The following ZNF804A variants were observed in gnomAD, a reference collection of about 807,000 sequenced individuals.
ZNF804A encodes the protein zinc finger protein 804A.
Under a neutral mutation model 16.5 loss-of-function variants are expected in ZNF804A, and 2 were observed. The observed-to-expected ratio is 0.12, with a 90% confidence interval of 0.05 to 0.38. ZNF804A has a LOEUF of 0.38. Among genes scored for constraint, ZNF804A ranks in the 10% least tolerant of loss-of-function variants. The pLI is 0.99. For missense variants in ZNF804A, 1,473 were observed against 1,390.7 expected (o/e 1.06, Z -0.94); for synonymous variants, 534 against 489.6 (o/e 1.09, Z -1.20).
intron 2 of ZNF804A, among the ~76,000 whole-genome samples, chr2:184,899,514 A>G (rs1685143142): frequency 6.6e-6 from 1 of 152,038 alleles, no homozygotes; most frequent in Non-Finnish European, 1.5e-5. Context: ...AGGGGATTTA[A>G]AAAGAAAAAT....
chr2:184,749,112 A>G (rs1335205118), intron 1 of ZNF804A, among the ~76,000 whole-genome samples: 2 of 151,198 alleles, frequency 1.3e-5, no homozygotes, highest in Non-Finnish European at 3.0e-5. Context: ...GTTTTTTTCT[A>G]ATTTTGTGAG....
At chr2:184,747,480 T>G (rs911125813) in intron 1 of ZNF804A, among the ~76,000 whole-genome samples, 4 of 151,100 alleles carry the variant, frequency 2.6e-5, no homozygotes, top group Non-Finnish European at 5.9e-5. Flanking sequence ...TTAGAGTATG[T>G]TTTACATACA....
chr2:184,842,264 A>C (rs1695449073), intron 1 of ZNF804A, among the ~76,000 whole-genome samples: 1 of 152,132 alleles, frequency 6.6e-6, no homozygotes, highest in Non-Finnish European at 1.5e-5. Context: ...AATTAACCAC[A>C]GGGGCAGAGC....
chr2:184,868,703 T>C (rs994118371), intron 2 of ZNF804A, among the ~76,000 whole-genome samples: 2 of 151,864 alleles, frequency 1.3e-5, no homozygotes, highest in African/African-American at 4.8e-5. Context: ...TGATTCCTAA[T>C]GACCTTCAGA....
intron 1 of ZNF804A, among the ~76,000 whole-genome samples, chr2:184,659,710 A>T (rs1479274901): frequency 6.6e-6 from 1 of 152,168 alleles, no homozygotes; most frequent in African/African-American, 2.4e-5. Context: ...GTACATCATC[A>T]TATGAATGAA....
intron 2 of ZNF804A, among the ~76,000 whole-genome samples, chr2:184,873,333 C>G (rs1696003429): frequency 6.6e-6 from 1 of 151,998 alleles, no homozygotes. Context: ...ATAGAAAATA[C>G]AAAAATTAGC....
intron 1 of ZNF804A, among the ~76,000 whole-genome samples, chr2:184,792,280 A>G (rs1440013609): frequency 6.6e-6 from 1 of 152,152 alleles, no homozygotes; most frequent in Non-Finnish European, 1.5e-5. Context: ...TTTCATTTCT[A>G]TCAGCAATGA....
Position 184,640,252 on chromosome 2 carries a change from GAGA to G in ZNF804A, c.111+41193_111+41195del, listed in dbSNP as rs760152600. Among the ~76,000 whole-genome samples the G allele has an allele frequency of 2.2e-4, 33 of 151,372 alleles. 1 individual carries two copies. Among genetic ancestry groups the G allele is most frequent in the Middle Eastern group, 3.4e-3 (1 of 292 alleles). Reference sequence around the variant, plus strand: ...GGAGGAGGAGGAGGAAGAGGAGGAGGAGAAGAAGAAGAAAGGAGGAGGAGGAGG... The same window carrying G: ...GGAGGAGGAGGAGGAAGAGGAGGAGGAGAAGAAGAAAGGAGGAGGAGGAGG... On this transcript the variant is annotated intron_variant, in intron 1 of 3. Transcript: ENST00000302277.
intron 1 of ZNF804A, among the ~76,000 whole-genome samples, chr2:184,683,889 G>A (rs185577720): frequency 6.6e-6 from 1 of 151,798 alleles, no homozygotes; most frequent in African/African-American, 2.4e-5. Context: ...TATCTAATTG[G>A]GGCCTCATTA....
chr2:184,688,889 A>G (rs901500556), intron 1 of ZNF804A, among the ~76,000 whole-genome samples: 1 of 152,206 alleles, frequency 6.6e-6, no homozygotes, highest in South Asian at 2.1e-4. Context: ...ACTGCAGTGT[A>G]TATCTCATAC....
chr2:184,853,376 AG>A (rs1298997306), intron 1 of ZNF804A, among the ~76,000 whole-genome samples: 1 of 151,896 alleles, frequency 6.6e-6, no homozygotes, highest in East Asian at 1.9e-4. Context: ...TTTGAAAACA[AG>A]GAACTTTGAC....
intron 1 of ZNF804A, among the ~76,000 whole-genome samples, chr2:184,776,387 TAA>T (rs1266793063): frequency 6.6e-6 from 1 of 151,498 alleles, no homozygotes; most frequent in Admixed American, 6.6e-5. Flanking sequence ...AAATCTACTA[TAA>T]ATTTTGTTTT....
intron 1 of ZNF804A, among the ~76,000 whole-genome samples, chr2:184,765,699 C>G (rs1379516991): frequency 6.6e-6 from 1 of 151,504 alleles, no homozygotes; most frequent in Non-Finnish European, 1.5e-5. Flanking sequence ...CTGATGCCCC[C>G]TGCAGAATAA....
intron 1 of ZNF804A, among the ~76,000 whole-genome samples, chr2:184,829,011 GT>G (rs1460338572): frequency 1.3e-5 from 2 of 151,674 alleles, no homozygotes; most frequent in African/African-American, 4.8e-5. Context: ...TTGTTAGTAT[GT>G]TTTTTATAAG....
chr2:184,602,649 T>C (rs73041383), intron 1 of ZNF804A, among the ~76,000 whole-genome samples: 414 of 152,148 alleles, frequency 2.7e-3, no homozygotes, highest in African/African-American at 9.3e-3. Flanking sequence ...ATATGTAATT[T>C]GGGATTTGTC....
At chr2:184,860,640 T>C (rs1695785592) in intron 1 of ZNF804A, among the ~76,000 whole-genome samples, 1 of 152,152 alleles carries the variant, frequency 6.6e-6, no homozygotes, top group Admixed American at 6.5e-5. Context: ...TCTGCAACTA[T>C]GGGAACTTGC....
intron 2 of ZNF804A, among the ~76,000 whole-genome samples, chr2:184,897,410 AT>A (rs5836927): frequency 2.4e-4 from 34 of 143,504 alleles, no homozygotes; most frequent in African/African-American, 3.9e-4. Context: ...CAATTTTTGG[AT>A]TTTTCCCCCC....
At chr2:184,749,775 T>C (rs10196681) in intron 1 of ZNF804A, among the ~76,000 whole-genome samples, 1 of 151,240 alleles carries the variant, frequency 6.6e-6, no homozygotes, top group Admixed American at 6.6e-5. Flanking sequence ...ATTGGCTTCA[T>C]GGGTTCCAAT....
At chr2:184,886,478 G>A (rs903022330) in intron 2 of ZNF804A, among the ~76,000 whole-genome samples, 4 of 152,194 alleles carry the variant, frequency 2.6e-5, no homozygotes, top group African/African-American at 7.2e-5. Context: ...ACTAGGCGGT[G>A]CCCCAGTAGG....
Sources: gnomAD v4.1 joint callset for allele counts (sites outside exome capture counted in the v4.1 genomes callset) on GRCh38, gnomAD v4.1.1 for gene constraint, MANE v1.5 for transcripts, NCBI Gene and HGNC (gene_info 2026-07-23, HGNC 2026-07-21) for gene names.